The following RAF1 variants were observed in gnomAD, a reference collection of about 807,000 sequenced individuals.
The protein encoded by RAF1 is RAF proto-oncogene serine/threonine-protein kinase.
In RAF1, 27 loss-of-function variants were observed where a neutral mutation model predicts 81.1. That is an observed-to-expected ratio of 0.33 (90% CI 0.25 to 0.46). The LOEUF (loss-of-function observed/expected upper bound fraction) is 0.46, where lower values mean the gene tolerates loss of function less well. Among genes scored for constraint, RAF1 ranks in the 20% least tolerant of loss-of-function variants. The pLI, the probability that RAF1 is intolerant of heterozygous loss-of-function variation, is 1.00. For missense variants in RAF1, 598 were observed against 826.0 expected, an observed-to-expected ratio of 0.72 and a Z score of 3.38; for synonymous variants, 298 against 294.0, an observed-to-expected ratio of 1.01 and a Z score of -0.14.
chr3:12,656,478 T>C lies in RAF1; in HGVS notation c.-27+7335A>G, dbSNP rs1488167105. Among the ~76,000 whole-genome samples the C allele has an allele frequency of 2.6e-5, 4 of 152,156 alleles. No homozygotes were observed. The East Asian group carries it at 5.8e-4, about 22-fold the overall frequency. The stretch of plus-strand genomic sequence containing the variant: ...GGTCCTAAGTTACAAAGTTCTAAGT[T>C]TGAATTTAGTAAGTGTAGCCTCTTT... On this transcript the variant is annotated intron_variant, in intron 1 of 17. Coordinates refer to ENST00000442415, the MANE Select transcript of RAF1 (RefSeq NM_001354689.3).
At chr3:12,623,154 C>T (rs1414577261) in intron 1 of RAF1, among the ~76,000 whole-genome samples, 2 of 152,176 alleles carry the variant, frequency 1.3e-5, no homozygotes, top group African/African-American at 4.8e-5. Context: ...GGCTCAAGCA[C>T]TCCTGCCACA....
At chr3:12,605,250 A>ATATGTGTGTGTGTG (rs1553613998) in intron 6 of RAF1, among the ~76,000 whole-genome samples, 160 of 144,628 alleles carry the variant, frequency 1.1e-3, no homozygotes, top group African/African-American at 3.4e-3. Context: ...ATTACACATT[A>ATATGTGTGTGTGTG]TGTGTGTGTG....
Position 12,585,162 on chromosome 3 carries a change from G to A in RAF1, c.1688C>T (p.Thr563Met), listed in dbSNP as rs2125322022. Residue 563 changes from threonine to methionine, a missense_variant, in exon 16 of 18, where the codon ACG becomes ATG. By Grantham distance (81) the Thr-to-Met change is moderately conservative. Transcript: ENST00000442415. ...GATGTGAGAATAAGGAAGCTCCCCC[G>A]TCATCAGTTCATACAATACGATGCC... is the stretch of plus-strand genomic sequence containing the variant. 1 of 1,614,126 alleles carries A rather than the reference G, an allele frequency of 6.2e-7. No individual in the cohort carries two copies. Among genetic ancestry groups the A allele is most frequent in the Non-Finnish European group, 8.5e-7 (1 of 1,180,024 alleles).
rs1575600130 is a variant in RAF1 at position 12,618,501 on chromosome 3, G to A, written c.207+14C>T. On this transcript the variant is annotated intron_variant, in intron 2 of 17. Coordinates refer to ENST00000442415, the MANE Select transcript of RAF1 (RefSeq NM_001354689.3). ...GATAAATAGCTAAATTTCCTAAGTA[G>A]AATGTTCACATACCACTGTTCTTTG... 6.2e-7 allele frequency: 1 copy of A among 1,613,702 alleles called. No homozygotes were observed. Among genetic ancestry groups the A allele is most frequent in the East Asian group, 2.2e-5 (1 of 44,876 alleles).
rs144169817 is a variant in RAF1, at chr3:12,595,125, C to A, written c.1169-3333G>T. ...CTCTGTCACCGAGGCTGGAGTGCAGCAGCACCATCACGGCTCACTGCAGCC... is the reference window on the plus strand; with the variant it reads ...CTCTGTCACCGAGGCTGGAGTGCAGAAGCACCATCACGGCTCACTGCAGCC... On this transcript the variant is annotated intron_variant, in intron 11 of 17. Transcript: ENST00000442415. Among the ~76,000 whole-genome samples, 521 of 152,278 alleles carry A rather than the reference C, an allele frequency of 3.4e-3. 2 individuals carry two copies. The highest frequency in any genetic ancestry group is 0.011 in the African/African-American group (451 of 41,542).
intron 1 of RAF1, among the ~76,000 whole-genome samples, chr3:12,651,194 G>A (rs1400496320): frequency 6.6e-6 from 1 of 151,918 alleles, no homozygotes; most frequent in Non-Finnish European, 1.5e-5. Context: ...GTATTAGAGG[G>A]GATCTTTTAA....
chr3:12,641,074 A>G (rs2060169562), intron 1 of RAF1, among the ~76,000 whole-genome samples: 1 of 152,072 alleles, frequency 6.6e-6, no homozygotes, highest in African/African-American at 2.4e-5. Flanking sequence ...GGACATGGAT[A>G]AACCTGGAAA....
At chr3:12,622,456 T>G (rs1250069888) in intron 1 of RAF1, among the ~76,000 whole-genome samples, 1 of 152,236 alleles carries the variant, frequency 6.6e-6, no homozygotes, top group Non-Finnish European at 1.5e-5. Flanking sequence ...TCAAGACTTC[T>G]GAACTTCGTG....
rs139551152 is a variant in RAF1, at chr3:12,598,684, C to T, written c.1168+1007G>A. Among the ~76,000 whole-genome samples the T allele has an allele frequency of 3.1e-4, 42 of 135,150 alleles. 1 individual carries two copies. The East Asian group carries it at 7.3e-3, about 24-fold the overall frequency. 88.7% of individuals were successfully genotyped at this position (135,150 alleles called of 152,430 possible). ...GAGGCTGCAGTGAGCTGTGATTGTG[C>T]CACTGTACTCCAGCCTGGGCAACAG... On this transcript the variant is annotated intron_variant, in intron 11 of 17. Transcript: ENST00000442415.
At chr3:12,588,603 T>C (rs2058405381) in intron 13 of RAF1, 1 of 152,230 alleles carries the variant, frequency 6.6e-6, no homozygotes, top group Non-Finnish European at 1.5e-5. Context: ...ATTATAATCT[T>C]GTGGGACCAC....
At chr3:12,657,618 A>T (rs928321163) in intron 1 of RAF1, among the ~76,000 whole-genome samples, 5 of 152,016 alleles carry the variant, frequency 3.3e-5, no homozygotes, top group African/African-American at 7.2e-5. Flanking sequence ...CTAAAAATAC[A>T]AAATTAGTCG....
chr3:12,652,584 G>C (rs1559489861), intron 1 of RAF1, among the ~76,000 whole-genome samples: 1 of 152,000 alleles, frequency 6.6e-6, no homozygotes, highest in East Asian at 1.9e-4. Context: ...CATTTGCACA[G>C]ACACACATTC....
chr3:12,600,210 G>C lies in RAF1; in HGVS notation c.992C>G (p.Pro331Arg). 1 of 1,614,194 alleles carries C rather than the reference G, an allele frequency of 6.2e-7. No individual in the cohort carries two copies. Among genetic ancestry groups the C allele is most frequent in the Non-Finnish European group, 8.5e-7 (1 of 1,180,046 alleles). Residue 331 changes from proline (P) to arginine (R), a missense_variant, in exon 10 of 18, where the codon CCC becomes CGC. This residue lies in a region of RAF1 where 194 missense variants were observed against 202.7 expected (regional missense o/e 0.96). Transcript: ENST00000442415. ...TGCCCGCTCTCTTTGTGCTGGCACG[G>C]GGGTTTTCGGCTGTGACCAGCCTGT... is the stretch of plus-strand genomic sequence containing the variant.
In RAF1 at chr3:12,606,252, G is replaced by A. The variant is rs2125406770; in HGVS notation, c.629C>T (p.Pro210Leu). 1 of 1,614,018 alleles carries A rather than the reference G, an allele frequency of 6.2e-7. No individual in the cohort carries two copies. The highest frequency in any genetic ancestry group is 8.5e-7 in the Non-Finnish European group (1 of 1,179,900). Residue 210 changes from proline to leucine, a missense_variant, in exon 6 of 18, where the codon CCT (proline) becomes CTT (leucine). Pro to Leu is a moderately conservative substitution (Grantham distance 98). This residue lies in a region of RAF1 where 194 missense variants were observed against 202.7 expected (regional missense o/e 0.96). Coordinates refer to ENST00000442415, the MANE Select transcript of RAF1 (RefSeq NM_001354689.3). ...TCGCATACGACGCATAGTCAAAGAA[G>A]GTAGTGCTGGGACTCCACTATCACC...
intron 1 of RAF1, among the ~76,000 whole-genome samples, chr3:12,648,196 T>A (rs1466499562): frequency 6.6e-6 from 1 of 150,592 alleles, no homozygotes; most frequent in Non-Finnish European, 1.5e-5. Context: ...GTATTCAAAG[T>A]ACACCATTAA....
rs71063859 is a variant in RAF1, at chr3:12,659,427, C to CAAAAAAA, written c.-27+4379_-27+4385dup. Among the ~76,000 whole-genome samples, 13 of 47,664 alleles carry CAAAAAAA rather than the reference C, an allele frequency of 2.7e-4. 1 individual carries two copies. Among genetic ancestry groups the CAAAAAAA allele is most frequent in the South Asian group, 1.4e-3 (1 of 720 alleles). The allele number at this position is 47,664 out of a possible 152,430, so 31.3% of individuals were successfully genotyped here. A position where few individuals can be genotyped will look rare whatever the true frequency, so the allele number is the denominator to read the frequency against. On this transcript the variant is annotated intron_variant, in intron 1 of 17. Coordinates refer to ENST00000442415, the MANE Select transcript of RAF1 (RefSeq NM_001354689.3). The stretch of plus-strand genomic sequence containing the variant: ...TGGGCAACAGCACCAGATTTCATCT[C>CAAAAAAA]AAAAAAAAAAAAAAAAAATTACACG...
At chr3:12,653,374 T>C (rs534612295) in intron 1 of RAF1, among the ~76,000 whole-genome samples, 2 of 152,336 alleles carry the variant, frequency 1.3e-5, no homozygotes, top group Admixed American at 1.3e-4. Context: ...GTGTTACAAG[T>C]TGCATGTGTC....
chr3:12,649,172 T>C (rs1198214105), intron 1 of RAF1, among the ~76,000 whole-genome samples: 1 of 150,762 alleles, frequency 6.6e-6, no homozygotes, highest in Non-Finnish European at 1.5e-5. Context: ...AGTGGTGCGC[T>C]CAATAGTAAA....
At chr3:12,614,996 G>T (rs2059331117) in intron 2 of RAF1, among the ~76,000 whole-genome samples, 1 of 152,206 alleles carries the variant, frequency 6.6e-6, no homozygotes, top group African/African-American at 2.4e-5. Flanking sequence ...AAGCTGGACA[G>T]TTCTTTAAAT....
Sources: gnomAD v4.1 joint callset for allele counts (sites outside exome capture counted in the v4.1 genomes callset) on GRCh38, gnomAD v4.1.1 for gene constraint, gnomAD v4.1.1 regional missense constraint, MANE v1.5 for transcripts, NCBI Gene and HGNC (gene_info 2026-07-23, HGNC 2026-07-21) for gene names.